The following SHROOM4 variants were observed in gnomAD, a reference collection of about 807,000 sequenced individuals.
SHROOM4 encodes the protein protein Shroom4.
In SHROOM4, 17 loss-of-function variants were observed where a neutral mutation model predicts 80.3. That is an observed-to-expected ratio of 0.21 (90% CI 0.14 to 0.32). The LOEUF is 0.32. Among genes scored for constraint, SHROOM4 ranks in the 10% least tolerant of loss-of-function variants. SHROOM4 has a pLI of 1.00. For missense variants in SHROOM4, 993 were observed against 1,140.3 expected, an observed-to-expected ratio of 0.87 and a Z score of 1.86; for synonymous variants, 400 against 437.5, an observed-to-expected ratio of 0.91 and a Z score of 1.07.
At chrX:50,707,729 T>C (rs1339749019) in intron 1 of SHROOM4, among the ~76,000 whole-genome samples, 2 of 109,610 alleles carry the variant, frequency 1.8e-5, no homozygotes, top group African/African-American at 6.6e-5. Flanking sequence ...TCTCCGTCTC[T>C]TTTTCTTCCT....
the SHROOM4 span, among the ~76,000 whole-genome samples, chrX:50,579,882 G>T: frequency 9.0e-6 from 1 of 111,674 alleles, no homozygotes; most frequent in African/African-American, 3.3e-5. Context: ...ACTTCACATT[G>T]TTTTATATCC....
intron 1 of SHROOM4, among the ~76,000 whole-genome samples, chrX:50,707,736 T>G (rs1933714657): frequency 9.0e-6 from 1 of 110,626 alleles, no homozygotes; most frequent in East Asian, 2.9e-4. Flanking sequence ...CTCTTTTTCT[T>G]CCTTCTTCTT....
chrX:50,606,274 G>A (rs1929668192), intron 6 of SHROOM4, among the ~76,000 whole-genome samples: 1 of 103,562 alleles, frequency 9.7e-6, no homozygotes, highest in Non-Finnish European at 1.9e-5. Context: ...TGGGAGCCAG[G>A]CCCTGTAAAT....
At chrX:50,661,814 G>A (rs1932522751) in intron 2 of SHROOM4, among the ~76,000 whole-genome samples, 1 of 111,840 alleles carries the variant, frequency 8.9e-6, no homozygotes, top group Non-Finnish European at 1.9e-5. Flanking sequence ...TCCGTGTGTA[G>A]AAATTTAACA....
At chrX:50,663,874 C>T (rs1435454401) in intron 2 of SHROOM4, among the ~76,000 whole-genome samples, 3 of 111,744 alleles carry the variant, frequency 2.7e-5, no homozygotes, top group African/African-American at 9.8e-5. Context: ...AACTAGAGTA[C>T]AGGGCTAGAG....
intron 1 of SHROOM4, among the ~76,000 whole-genome samples, chrX:50,770,906 A>G (rs1370239100): frequency 1.8e-5 from 2 of 111,852 alleles, no homozygotes; most frequent in Non-Finnish European, 3.8e-5. Context: ...GCAGGCTGTT[A>G]GATGAGGAGA....
At chrX:50,718,609 C>T (rs182670069) in intron 1 of SHROOM4, among the ~76,000 whole-genome samples, 1 of 111,486 alleles carries the variant, frequency 9.0e-6, no homozygotes, top group Admixed American at 9.5e-5. Flanking sequence ...ATGAGTGCTA[C>T]CTTGTGGTCA....
intron 1 of SHROOM4, among the ~76,000 whole-genome samples, chrX:50,728,414 A>G: frequency 8.9e-6 from 1 of 112,266 alleles, no homozygotes; most frequent in Non-Finnish European, 1.9e-5. Context: ...TGGGGTCACC[A>G]ACATCACTGG....
chrX:50,601,645 A>C (rs1929414746), intron 7 of SHROOM4, among the ~76,000 whole-genome samples: 1 of 112,234 alleles, frequency 8.9e-6, no homozygotes, highest in Non-Finnish European at 1.9e-5. Flanking sequence ...TTGGATTAGA[A>C]AACCAGACTA....
In SHROOM4 at chrX:50,711,523, C is replaced by T. The variant is rs185075314; in HGVS notation, c.118-15586G>A. Among the ~76,000 whole-genome samples, 268 of 111,847 alleles carry T rather than the reference C, an allele frequency of 2.4e-3. 2 individuals are homozygous for T. The highest frequency in any genetic ancestry group is 8.5e-3 in the African/African-American group (263 of 30,810). ...TGTATTTCATTGTCTGTAAATTTTA[C>T]CTCAAAAGGAAAAGAACACCTGTAA... On this transcript the variant is annotated intron_variant, in intron 1 of 8. Coordinates refer to ENST00000376020, the MANE Select transcript of SHROOM4 (RefSeq NM_020717.5).
At chrX:50,696,863 AAAAGCAAAGC>A in intron 1 of SHROOM4, among the ~76,000 whole-genome samples, 1 of 112,264 alleles carries the variant, frequency 8.9e-6, no homozygotes, top group Admixed American at 9.4e-5. Flanking sequence ...TGGGGCAGGC[AAAAGCAAAGC>A]AAAGCAAAGC....
chrX:50,800,672 G>A (rs1169548893), intron 1 of SHROOM4, among the ~76,000 whole-genome samples: 1 of 111,517 alleles, frequency 9.0e-6, no homozygotes, highest in East Asian at 2.8e-4. Context: ...TTGGGGAACA[G>A]AGAGGTAACC....
At chrX:50,725,600 G>C (rs1395881982) in intron 1 of SHROOM4, among the ~76,000 whole-genome samples, 1 of 112,255 alleles carries the variant, frequency 8.9e-6, no homozygotes, top group Non-Finnish European at 1.9e-5. Context: ...GTTCTCACAA[G>C]AGCTGACAGT....
At position 50,598,413 on chromosome X, in the gene SHROOM4, G is replaced by A. The variant is rs140760349; in HGVS notation, c.4065C>T (p.Ala1355=). Residue 1355 remains alanine (A), a synonymous_variant, in exon 8 of 9, where the codon GCC becomes GCT. Transcript: ENST00000376020. ...LGEEVEANLK[A]VCKSNEFEKY... is the part of the protein sequence containing the mutation. Reference sequence around the variant, plus strand: ...TTTCAAATTCATTGGATTTGCAGACGGCTTTTAAGTTGGCCTCCACCTCCT... The same window carrying A: ...TTTCAAATTCATTGGATTTGCAGACAGCTTTTAAGTTGGCCTCCACCTCCT... 9 of 1,207,709 alleles carry A rather than the reference G, an allele frequency of 7.5e-6. No homozygotes were observed. The highest frequency in any genetic ancestry group is 1.8e-5 in the African/African-American group (1 of 56,998).
chrX:50,582,153 T>A (rs1004673020), downstream of SHROOM4, among the ~76,000 whole-genome samples: 1 of 111,592 alleles, frequency 9.0e-6, no homozygotes, highest in Non-Finnish European at 1.9e-5. Flanking sequence ...TCTTTCTCTC[T>A]CCATTGCTTG....
chrX:50,795,050 TGATATATATATG>T, intron 1 of SHROOM4, among the ~76,000 whole-genome samples: 1 of 3,742 alleles, frequency 2.7e-4, no homozygotes, highest in African/African-American at 2.9e-4. Context: ...CATATATATA[TGATATATATATG>T]ATATATATAT....
chrX:50,765,536 G>C (rs1321453862), intron 1 of SHROOM4, among the ~76,000 whole-genome samples: 1 of 111,736 alleles, frequency 8.9e-6, no homozygotes, highest in African/African-American at 3.3e-5. Flanking sequence ...CTAACTACTT[G>C]AAAGGGAGAA....
chrX:50,640,773 C>T (rs782266852), intron 2 of SHROOM4, among the ~76,000 whole-genome samples: 1 of 112,181 alleles, frequency 8.9e-6, no homozygotes, highest in Non-Finnish European at 1.9e-5. Context: ...CTGTCCCTTC[C>T]TGATTCTGTG....
At chrX:50,723,156 T>C (rs1183396186) in intron 1 of SHROOM4, among the ~76,000 whole-genome samples, 1 of 103,150 alleles carries the variant, frequency 9.7e-6, no homozygotes, top group Non-Finnish European at 2.0e-5. Context: ...GGGAGGGGGA[T>C]AGAAAATGAA....
Sources: gnomAD v4.1 joint callset for allele counts (sites outside exome capture counted in the v4.1 genomes callset) on GRCh38, gnomAD v4.1.1 for gene constraint, MANE v1.5 for transcripts, NCBI Gene and HGNC (gene_info 2026-07-23, HGNC 2026-07-21) for gene names.